Variants in RPH3AL observed in about 807,000 individuals in gnomAD.
The protein encoded by RPH3AL is rab effector Noc2.
In RPH3AL, 38 loss-of-function variants were observed where a neutral mutation model predicts 43.1. The ratio of observed to expected loss-of-function variants is 0.88; its 90% confidence interval spans 0.68 to 1.15. RPH3AL has a LOEUF of 1.15. Among genes scored for constraint, RPH3AL ranks in the 50% most tolerant of loss-of-function variants. RPH3AL has a pLI of 0.00. For synonymous variants in RPH3AL, 189 were observed against 176.3 expected (o/e 1.07, Z -0.57); for missense variants, 462 against 423.2 (o/e 1.09, Z -0.81).
intron 5 of RPH3AL, among the ~76,000 whole-genome samples, chr17:295,340 A>T (rs1323711484): frequency 1.0e-4 from 14 of 133,828 alleles, no homozygotes; most frequent in Admixed American, 3.8e-4. Flanking sequence ...GGGACAGAGG[A>T]GCTGCAGAAA....
intron 5 of RPH3AL, among the ~76,000 whole-genome samples, chr17:314,496 A>ACCTCCATTGACCTGCAGTCTCTG (rs2043798593): frequency 2.7e-5 from 1 of 37,372 alleles, no homozygotes; most frequent in African/African-American, 7.6e-5. Context: ...TGTAGTCCCT[A>ACCTCCATTGACCTGCAGTCTCTG]TACTCCACGT....
chr17:306,527 C>T (rs561786133), intron 5 of RPH3AL: 5 of 152,344 alleles, frequency 3.3e-5, no homozygotes, highest in African/African-American at 1.2e-4. Context: ...CCACCGCTGG[C>T]AGCTTTATCG....
At chr17:240,868 G>A (rs1291982633) in intron 7 of RPH3AL, among the ~76,000 whole-genome samples, 1 of 151,870 alleles carries the variant, frequency 6.6e-6, no homozygotes, top group Admixed American at 6.6e-5. Flanking sequence ...GACCAGCCTG[G>A]CCAACACGGT....
intron 5 of RPH3AL, among the ~76,000 whole-genome samples, chr17:302,088 C>T (rs780014938): frequency 2.6e-5 from 4 of 152,214 alleles, no homozygotes; most frequent in South Asian, 2.1e-4. Flanking sequence ...TAACCACAAT[C>T]GAGCTGTGTC....
chr17:266,528 G>C (rs1555548072), intron 6 of RPH3AL, among the ~76,000 whole-genome samples: 2 of 152,194 alleles, frequency 1.3e-5, no homozygotes, highest in East Asian at 1.9e-4. Context: ...GAAAGATAGA[G>C]CACCTGCCCC....
rs1334390495 is a variant in RPH3AL at position 344,092 on chromosome 17, T to G, written c.-213+8620A>C. ...TCATCGTCATCACTATCACCATCAT[T>G]GTCACCATCATATTCACCTCCAGTC... On this transcript the variant is annotated intron_variant, in intron 1 of 9. Coordinates refer to ENST00000331302, the MANE Select transcript of RPH3AL (RefSeq NM_006987.4). Among the ~76,000 whole-genome samples, 5 of 129,910 alleles carry G rather than the reference T, an allele frequency of 3.8e-5. 1 individual carries two copies. The highest frequency in any genetic ancestry group is 5.4e-5 in the African/African-American group (2 of 37,174). 85.2% of individuals were successfully genotyped at this position (129,910 alleles called of 152,430 possible).
At chr17:262,468 C>T (rs1277077483) in intron 6 of RPH3AL, among the ~76,000 whole-genome samples, 2 of 150,094 alleles carry the variant, frequency 1.3e-5, no homozygotes, top group Non-Finnish European at 3.0e-5. Context: ...CCCGCCTCGG[C>T]CTCCCAAAGT....
At chr17:228,061 C>G (rs1164503647) in intron 7 of RPH3AL, among the ~76,000 whole-genome samples, 1 of 152,008 alleles carries the variant, frequency 6.6e-6, no homozygotes, top group Non-Finnish European at 1.5e-5. Flanking sequence ...GCCTGAAGTC[C>G]CACTGAGATG....
intron 5 of RPH3AL, chr17:306,715 C>T (rs1218207447): frequency 6.6e-6 from 1 of 152,622 alleles, no homozygotes; most frequent in East Asian, 1.9e-4. Context: ...CTGCTGCCTA[C>T]AGGACACAAG....
intron 5 of RPH3AL, among the ~76,000 whole-genome samples, chr17:318,306 T>C (rs1157034065): frequency 6.6e-6 from 1 of 152,142 alleles, no homozygotes; most frequent in Non-Finnish European, 1.5e-5. Context: ...CACTTGAACC[T>C]GGAGGCAGAG....
chr17:334,649 A>G (rs957478662), intron 1 of RPH3AL, among the ~76,000 whole-genome samples: 1 of 127,400 alleles, frequency 7.8e-6, no homozygotes, highest in African/African-American at 3.0e-5. Context: ...CCTTCTCCCC[A>G]CGCCTTCCCC....
intron 7 of RPH3AL, among the ~76,000 whole-genome samples, chr17:241,098 A>AATAATAATCATC (rs763128192): frequency 7.4e-5 from 7 of 94,400 alleles, no homozygotes; most frequent in Non-Finnish European, 1.5e-4. Context: ...TAATAATAAT[A>AATAATAATCATC]ATCTTGTTGG....
intron 5 of RPH3AL, among the ~76,000 whole-genome samples, chr17:282,419 C>G (rs2042803482): frequency 6.6e-6 from 1 of 152,158 alleles, no homozygotes; most frequent in African/African-American, 2.4e-5. Flanking sequence ...TGAGGATATG[C>G]TCAGGTTCAC....
intron 5 of RPH3AL, among the ~76,000 whole-genome samples, chr17:317,019 C>T (rs1424342809): frequency 6.8e-5 from 10 of 147,850 alleles, no homozygotes; most frequent in Non-Finnish European, 1.2e-4. Flanking sequence ...CCTGTAGTCT[C>T]TGTGCTCCAC....
chr17:307,446 G>A (rs1240639679), intron 5 of RPH3AL, among the ~76,000 whole-genome samples: 1 of 152,128 alleles, frequency 6.6e-6, no homozygotes, highest in Non-Finnish European at 1.5e-5. Context: ...CCTCCCCACA[G>A]CAGGTCTGCC....
chr17:265,982 C>G (rs1336431310), intron 6 of RPH3AL, among the ~76,000 whole-genome samples: 2 of 152,220 alleles, frequency 1.3e-5, no homozygotes, highest in African/African-American at 4.8e-5. Flanking sequence ...AGCAAGCGAT[C>G]CAAGCCCCCA....
intron 2 of RPH3AL, among the ~76,000 whole-genome samples, chr17:330,568 C>T (rs542989702): frequency 6.6e-6 from 1 of 152,326 alleles, no homozygotes; most frequent in South Asian, 2.1e-4. Context: ...TTATTCTTTT[C>T]AAAGTAAACA....
chr17:223,045 C>G (rs918356692), intron 7 of RPH3AL, among the ~76,000 whole-genome samples: 4 of 152,048 alleles, frequency 2.6e-5, no homozygotes, highest in Non-Finnish European at 5.9e-5. Flanking sequence ...CAAAAGTAAG[C>G]TTGGCGTTGT....
At chr17:336,751 G>A (rs2044966118) in intron 1 of RPH3AL, among the ~76,000 whole-genome samples, 1 of 152,184 alleles carries the variant, frequency 6.6e-6, no homozygotes, top group Admixed American at 6.5e-5. Flanking sequence ...AACCACCCTT[G>A]CATTCTGCCA....
Sources: gnomAD v4.1 joint callset for allele counts (sites outside exome capture counted in the v4.1 genomes callset) on GRCh38, gnomAD v4.1.1 for gene constraint, MANE v1.5 for transcripts, NCBI Gene and HGNC (gene_info 2026-07-23, HGNC 2026-07-21) for gene names.